UBAP1: variants seen among roughly 807,000 people sequenced by gnomAD.
The protein encoded by UBAP1 is ubiquitin associated protein 1.
UBAP1 carries 5 observed loss-of-function variants against 39.0 expected under a neutral mutation model. The ratio of observed to expected loss-of-function variants is 0.13; its 90% CI spans 0.07 to 0.27. The LOEUF (loss-of-function observed/expected upper bound fraction) is 0.27, where lower values mean the gene tolerates loss of function less well. Ranked by LOEUF, UBAP1 falls within the 10% of genes least tolerant of loss-of-function variation. UBAP1 has a pLI of 1.00. For missense variants in UBAP1, 490 were observed against 608.1 expected (o/e 0.81, Z 2.04); for synonymous variants, 211 against 225.1 (o/e 0.94, Z 0.56).
At chr9:34,207,048 C>CTTTTTTTTTTTTTTTTTTTTTTTTTTTTT (rs34197502) in intron 1 of UBAP1, among the ~76,000 whole-genome samples, 3 of 90,058 alleles carry the variant, frequency 3.3e-5, no homozygotes, top group African/African-American at 9.1e-5. Flanking sequence ...ATTGTTATTT[C>CTTTTTTTTTTTTTTTTTTTTTTTTTTTTT]TTTTTTTTTT....
rs1554644666 is a variant in UBAP1 at position 34,181,117 on chromosome 9, T to TTTTTTTTTC, written c.-8+1885_-8+1886insCTTTTTTTT. Among the ~76,000 whole-genome samples, 6 of 40,774 alleles carry TTTTTTTTTC rather than the reference T, an allele frequency of 1.5e-4. 1 individual carries two copies. The highest frequency in any genetic ancestry group is 3.3e-4 in the Admixed American group (1 of 3,046). The allele number at this position is 40,774 out of a possible 152,430, so 26.7% of individuals were successfully genotyped here. A position where few individuals can be genotyped will look rare whatever the true frequency, so the allele number is the denominator to read the frequency against. Reference sequence around the variant, plus strand: ...GAGCCACCGCACCCGGCCTGTTTTCTTTTTTTTTTTTTTTTTGAGACAGAG... The same window carrying TTTTTTTTTC: ...GAGCCACCGCACCCGGCCTGTTTTCTTTTTTTTTCTTTTTTTTTTTTTTTTGAGACAGAG... On this transcript the variant is annotated intron_variant, in intron 1 of 6. Transcript: ENST00000297661.
chr9:34,202,946 G>T (rs1412240377), intron 1 of UBAP1, among the ~76,000 whole-genome samples: 1 of 151,830 alleles, frequency 6.6e-6, no homozygotes, highest in Non-Finnish European at 1.5e-5. Context: ...CATGTGTTTG[G>T]ATTGGGACTC....
chr9:34,182,892 A>G (rs1830170630), intron 1 of UBAP1, among the ~76,000 whole-genome samples: 1 of 151,780 alleles, frequency 6.6e-6, no homozygotes, highest in Non-Finnish European at 1.5e-5. Context: ...TTGTAGTTTT[A>G]GTAGAGATGG....
chr9:34,193,218 G>A (rs1489448207), intron 1 of UBAP1, among the ~76,000 whole-genome samples: 1 of 152,170 alleles, frequency 6.6e-6, no homozygotes, highest in Non-Finnish European at 1.5e-5. Context: ...GGCTGAGGCA[G>A]GAGGATCGCT....
At chr9:34,209,832 G>A (rs1264585623) in intron 1 of UBAP1, among the ~76,000 whole-genome samples, 1 of 151,826 alleles carries the variant, frequency 6.6e-6, no homozygotes, top group Non-Finnish European at 1.5e-5. Context: ...TGTGTGTGTT[G>A]ATCATAGATA....
chr9:34,242,489 T>A (rs918169847), intron 4 of UBAP1, among the ~76,000 whole-genome samples: 1 of 152,080 alleles, frequency 6.6e-6, no homozygotes, highest in African/African-American at 2.4e-5. Flanking sequence ...TAGAAATCAA[T>A]AGAAGTCAAG....
chr9:34,184,652 C>A (rs1187922587), intron 1 of UBAP1, among the ~76,000 whole-genome samples: 7 of 145,246 alleles, frequency 4.8e-5, no homozygotes, highest in African/African-American at 1.3e-4. Flanking sequence ...AAAAGAGAGT[C>A]TCGCTCTGTT....
intron 3 of UBAP1, among the ~76,000 whole-genome samples, chr9:34,236,373 ACACTCTGC>A (rs1242377223): frequency 2.0e-5 from 3 of 152,172 alleles, no homozygotes; most frequent in Non-Finnish European, 4.4e-5. Flanking sequence ...TTGTGTAAAT[ACACTCTGC>A]CCTCACCGAT....
chr9:34,225,621 C>CAA (rs200403643), intron 2 of UBAP1, among the ~76,000 whole-genome samples: 1 of 149,604 alleles, frequency 6.7e-6, no homozygotes, highest in Non-Finnish European at 1.5e-5. Context: ...ACTAAAAATA[C>CAA]AAAAAAAAAT....
At chr9:34,199,018 T>C (rs1439112743) in intron 1 of UBAP1, among the ~76,000 whole-genome samples, 1 of 152,254 alleles carries the variant, frequency 6.6e-6, no homozygotes, top group Non-Finnish European at 1.5e-5. Context: ...ATTTCTGTGA[T>C]AGTGACTAGA....
At chr9:34,190,998 T>C (rs1428666371) in intron 1 of UBAP1, among the ~76,000 whole-genome samples, 1 of 152,038 alleles carries the variant, frequency 6.6e-6, no homozygotes, top group East Asian at 1.9e-4. Context: ...CATATATATA[T>C]TAGAGTAATG....
intron 1 of UBAP1, among the ~76,000 whole-genome samples, chr9:34,204,835 T>A (rs974807759): frequency 6.6e-6 from 1 of 152,076 alleles, no homozygotes. Flanking sequence ...CTTGTTGACA[T>A]TATTTTTTTG....
At chr9:34,182,617 TTCTTTCTTTCTTTCTTTCTTTCTTTC>T (rs1830110729) in intron 1 of UBAP1, among the ~76,000 whole-genome samples, 2 of 25,336 alleles carry the variant, frequency 7.9e-5, no homozygotes, top group African/African-American at 3.8e-4. Context: ...CTTTCTTTCC[TTCTTTCTTTCTTTCTTTCTTTCTTTC>T]TTTCTTTCTT....
intron 4 of UBAP1, among the ~76,000 whole-genome samples, chr9:34,248,197 G>A (rs1405702005): frequency 3.3e-5 from 5 of 151,914 alleles, no homozygotes; most frequent in African/African-American, 4.8e-5. Context: ...CACCACACCC[G>A]GCTGATTTTT....
intron 1 of UBAP1, among the ~76,000 whole-genome samples, chr9:34,187,240 CCTT>C (rs1270516631): frequency 6.6e-6 from 1 of 152,180 alleles, no homozygotes; most frequent in Non-Finnish European, 1.5e-5. Flanking sequence ...TTTGGGAAAT[CCTT>C]CTTTGCTGCC....
intron 3 of UBAP1, among the ~76,000 whole-genome samples, chr9:34,238,296 C>T (rs1389500670): frequency 4.6e-5 from 7 of 152,164 alleles, no homozygotes; most frequent in South Asian, 2.1e-4. Flanking sequence ...TTCTAATTTT[C>T]GGCTATTATG....
intron 1 of UBAP1, among the ~76,000 whole-genome samples, chr9:34,198,169 A>G (rs1212375145): frequency 2.6e-5 from 4 of 152,182 alleles, no homozygotes; most frequent in Non-Finnish European, 5.9e-5. Context: ...TGTTTAGGCC[A>G]GGCTGCTCTG....
At chr9:34,250,195 A>G (rs1173868531) in intron 5 of UBAP1, among the ~76,000 whole-genome samples, 2 of 152,224 alleles carry the variant, frequency 1.3e-5, no homozygotes, top group Non-Finnish European at 1.5e-5. Context: ...CTGTTCTCCA[A>G]CTACCCCCTC....
chr9:34,198,048 G>A (rs967933394), intron 1 of UBAP1, among the ~76,000 whole-genome samples: 8 of 152,196 alleles, frequency 5.3e-5, no homozygotes, highest in African/African-American at 1.9e-4. Context: ...TGTTGAACTT[G>A]GTAGCTGCCC....
Sources: gnomAD v4.1 joint callset for allele counts (sites outside exome capture counted in the v4.1 genomes callset) on GRCh38, gnomAD v4.1.1 for gene constraint, MANE v1.5 for transcripts, NCBI Gene and HGNC (gene_info 2026-07-23, HGNC 2026-07-21) for gene names.